DNM3: variants seen among roughly 807,000 people sequenced by gnomAD.
The protein encoded by DNM3 is dynamin-3.
In DNM3, 47 loss-of-function variants were observed where a neutral mutation model predicts 101.6. The ratio of observed to expected loss-of-function variants is 0.46; its 90% confidence interval spans 0.37 to 0.59. The LOEUF (loss-of-function observed/expected upper bound fraction) is 0.59. Among genes scored for constraint, DNM3 ranks in the 20% least tolerant of loss-of-function variants. DNM3 has a pLI of 0.00. For synonymous variants in DNM3, 385 were observed against 387.9 expected (o/e 0.99, Z 0.09); for missense variants, 849 against 1,085.7 (o/e 0.78, Z 3.06).
chr1:172,347,415 A>G (rs2066996241), intron 17 of DNM3, among the ~76,000 whole-genome samples: 1 of 152,218 alleles, frequency 6.6e-6, no homozygotes, highest in Non-Finnish European at 1.5e-5. Flanking sequence ...TACTAGGTAC[A>G]GAAATAAAAA....
chr1:171,948,962 C>G (rs1392487597), intron 2 of DNM3, among the ~76,000 whole-genome samples: 1 of 151,948 alleles, frequency 6.6e-6, no homozygotes, highest in African/African-American at 2.4e-5. Context: ...ATTTGATTCT[C>G]ATATGAAAAA....
chr1:172,232,665 G>C (rs1216602001), intron 14 of DNM3, among the ~76,000 whole-genome samples: 20 of 152,262 alleles, frequency 1.3e-4, no homozygotes, highest in African/African-American at 4.3e-4. Context: ...AAATGTAAAA[G>C]AACAGAAATT....
At position 172,161,926 on chromosome 1, in the gene DNM3, G is replaced by A. The variant is rs1572777571; in HGVS notation, c.1659+30638G>A. 2.0e-5 allele frequency among the ~76,000 whole-genome samples: 3 copies of A among 152,052 alleles called. No homozygotes were observed. In the East Asian group the frequency reaches 5.8e-4, roughly 29 times the overall value. On this transcript the variant is annotated intron_variant, in intron 14 of 20. Transcript: ENST00000627582. ...CTTTCAGTGATTGTCTTTTTAAAATGAGATTTATCCGTTGGGGTTGGGTAA... is the reference window on the plus strand; with the variant it reads ...CTTTCAGTGATTGTCTTTTTAAAATAAGATTTATCCGTTGGGGTTGGGTAA...
chr1:172,371,905 T>G (rs1045284319), intron 17 of DNM3, among the ~76,000 whole-genome samples: 9 of 149,172 alleles, frequency 6.0e-5, no homozygotes, highest in African/African-American at 2.0e-4. Flanking sequence ...TTTATTTATT[T>G]ATTTATTTAT....
intron 1 of DNM3, among the ~76,000 whole-genome samples, chr1:171,871,864 G>GTTTT (rs57412557): frequency 7.3e-5 from 10 of 136,454 alleles, no homozygotes; most frequent in South Asian, 2.4e-4. Context: ...TTGTTGTCTT[G>GTTTT]TTTTTTTTTT....
chr1:172,222,127 A>T (rs966240887), intron 14 of DNM3, among the ~76,000 whole-genome samples: 3 of 152,172 alleles, frequency 2.0e-5, no homozygotes, highest in Non-Finnish European at 2.9e-5. Flanking sequence ...TTTGTTTCTG[A>T]CGAAAACTCA....
chr1:171,956,027 T>C (rs1024818294), intron 2 of DNM3, among the ~76,000 whole-genome samples: 2 of 152,170 alleles, frequency 1.3e-5, no homozygotes. Flanking sequence ...GTCCCTCCCA[T>C]GACATGTGGG....
intron 14 of DNM3, among the ~76,000 whole-genome samples, chr1:172,181,116 A>G (rs1163719430): frequency 6.6e-6 from 1 of 152,028 alleles, no homozygotes; most frequent in East Asian, 1.9e-4. Context: ...CACTTTTCAT[A>G]TAGTAATTTT....
intron 20 of DNM3, among the ~76,000 whole-genome samples, chr1:172,400,499 G>GA (rs889198962): frequency 1.1e-4 from 17 of 151,470 alleles, no homozygotes; most frequent in African/African-American, 2.2e-4. Flanking sequence ...AGGAGCAAAG[G>GA]AAAAAAAATC....
chr1:172,114,447 C>T (rs2055743357), intron 13 of DNM3, among the ~76,000 whole-genome samples: 1 of 152,144 alleles, frequency 6.6e-6, no homozygotes, highest in Admixed American at 6.6e-5. Flanking sequence ...TCGTACTCTT[C>T]ATAAAGGTTC....
intron 14 of DNM3, among the ~76,000 whole-genome samples, chr1:172,172,738 C>T (rs1339568478): frequency 6.6e-6 from 1 of 151,672 alleles, no homozygotes. Context: ...TAATGCCAAG[C>T]CAACCACCAA....
chr1:171,931,487 A>T (rs1269675848), intron 2 of DNM3, among the ~76,000 whole-genome samples: 1 of 152,230 alleles, frequency 6.6e-6, no homozygotes, highest in East Asian at 1.9e-4. Context: ...TATTTTAAAT[A>T]TATAGAAGTT....
At chr1:172,110,646 C>A (rs2055401738) in intron 13 of DNM3, among the ~76,000 whole-genome samples, 1 of 152,190 alleles carries the variant, frequency 6.6e-6, no homozygotes, top group African/African-American at 2.4e-5. Context: ...ACATTACTTT[C>A]TGTCATTCAA....
At chr1:172,220,662 C>T (rs766053645) in intron 14 of DNM3, among the ~76,000 whole-genome samples, 8 of 152,044 alleles carry the variant, frequency 5.3e-5, no homozygotes, top group Non-Finnish European at 8.8e-5. Flanking sequence ...AAATGGAGAT[C>T]GCATTACCAA....
chr1:172,305,552 T>C (rs1461839368), intron 15 of DNM3, among the ~76,000 whole-genome samples: 1 of 152,210 alleles, frequency 6.6e-6, no homozygotes, highest in East Asian at 1.9e-4. Flanking sequence ...ATCATCCTGA[T>C]ACCAAAGCCT....
intron 15 of DNM3, among the ~76,000 whole-genome samples, chr1:172,288,326 G>A (rs2063777269): frequency 1.3e-5 from 2 of 152,202 alleles, no homozygotes; most frequent in South Asian, 4.1e-4. Flanking sequence ...GTTCCAGGCA[G>A]AGTGAACAGC....
chr1:172,282,793 G>A (rs2063539966), intron 15 of DNM3, among the ~76,000 whole-genome samples: 1 of 152,172 alleles, frequency 6.6e-6, no homozygotes, highest in African/African-American at 2.4e-5. Context: ...TAGTTCATCA[G>A]TCTTCTTTGG....
At chr1:171,904,583 G>A (rs1301675856) in intron 1 of DNM3, among the ~76,000 whole-genome samples, 4 of 152,190 alleles carry the variant, frequency 2.6e-5, no homozygotes, top group Non-Finnish European at 4.4e-5. Flanking sequence ...AAAGACATGA[G>A]GGTTTTCTTT....
intron 15 of DNM3, among the ~76,000 whole-genome samples, chr1:172,303,567 C>T (rs2064587111): frequency 1.3e-5 from 2 of 152,092 alleles, no homozygotes; most frequent in Admixed American, 1.3e-4. Context: ...AACCCCAAGA[C>T]ACATAACTGT....
Sources: gnomAD v4.1 joint callset for allele counts (sites outside exome capture counted in the v4.1 genomes callset) on GRCh38, gnomAD v4.1.1 for gene constraint, MANE v1.5 for transcripts, NCBI Gene and HGNC (gene_info 2026-07-23, HGNC 2026-07-21) for gene names.